CCDC7: variants seen among roughly 807,000 people sequenced by gnomAD.
CCDC7 encodes coiled-coil domain-containing protein 7.
A neutral mutation model predicts 196.9 loss-of-function variants in CCDC7; 183 were observed. The observed-to-expected ratio is 0.93, with a 90% CI of 0.82 to 1.05. The LOEUF (loss-of-function observed/expected upper bound fraction) is 1.05, where lower values mean the gene tolerates loss of function less well. Ranked by LOEUF, CCDC7 falls within the 50% of genes least tolerant of loss-of-function variation. The probability of loss-of-function intolerance (pLI) is 0.00; values close to 1 mark genes in which losing one functional copy is unlikely to be tolerated. For missense variants in CCDC7, 1,540 were observed against 1,482.2 expected (o/e 1.04, Z -0.64); for synonymous variants, 525 against 484.6 (o/e 1.08, Z -1.10).
chr10:32,721,524 T>G (rs368717656), intron 25 of CCDC7, among the ~76,000 whole-genome samples: 26 of 152,254 alleles, frequency 1.7e-4, no homozygotes, highest in African/African-American at 6.3e-4. Context: ...ACTGGTAACA[T>G]AATATATGGG....
chr10:32,857,579 C>CA (rs2093801382), intron 41 of CCDC7, among the ~76,000 whole-genome samples: 2 of 151,972 alleles, frequency 1.3e-5, no homozygotes, highest in Admixed American at 6.6e-5. Flanking sequence ...AATATATTGA[C>CA]AAATGACAAT....
intron 25 of CCDC7, among the ~76,000 whole-genome samples, chr10:32,716,806 A>G (rs571698302): frequency 6.6e-6 from 1 of 152,360 alleles, no homozygotes; most frequent in East Asian, 1.9e-4. Flanking sequence ...AACGAAGAGC[A>G]TTACATAATG....
intron 41 of CCDC7, among the ~76,000 whole-genome samples, chr10:32,869,210 C>A (rs1245273278): frequency 6.6e-6 from 1 of 152,174 alleles, no homozygotes; most frequent in African/African-American, 2.4e-5. Flanking sequence ...TCTTATTTCT[C>A]CACATCCTCT....
At chr10:32,521,509 A>G (rs186372078) in intron 11 of CCDC7, among the ~76,000 whole-genome samples, 1 of 151,368 alleles carries the variant, frequency 6.6e-6, no homozygotes, top group African/African-American at 2.4e-5. Flanking sequence ...CTGTTGGTAT[A>G]TAGAAATGTT....
Position 32,604,784 on chromosome 10 carries a change from A to C in CCDC7, c.1801+20480A>C, listed in dbSNP as rs373981039. Among the ~76,000 whole-genome samples, 15 of 152,132 alleles carry C rather than the reference A, an allele frequency of 9.9e-5. No individual in the cohort carries two copies. The East Asian group carries it at 1.9e-3, about 20-fold the overall frequency. ...TTTTATGTTGACTTTGTATGCCATA[A>C]ATTTATTGAATTCATTGAGCAGTTT... On this transcript the variant is annotated intron_variant, in intron 18 of 41. Coordinates refer to ENST00000639629, the Ensembl canonical transcript of CCDC7.
At chr10:32,573,064 G>C (rs886565261) in intron 16 of CCDC7, among the ~76,000 whole-genome samples, 1 of 151,864 alleles carries the variant, frequency 6.6e-6, no homozygotes, top group Non-Finnish European at 1.5e-5. Flanking sequence ...TTTTAGTAGA[G>C]ACGGGGTTTC....
intron 40 of CCDC7, among the ~76,000 whole-genome samples, chr10:32,852,581 C>T (rs1593457082): frequency 6.6e-6 from 1 of 152,186 alleles, no homozygotes; most frequent in Non-Finnish European, 1.5e-5. Flanking sequence ...CTTCTGGGTT[C>T]TCCTGCCTTA....
At chr10:32,655,025 G>A (rs2069522900) in intron 20 of CCDC7, among the ~76,000 whole-genome samples, 1 of 152,156 alleles carries the variant, frequency 6.6e-6, no homozygotes, top group Admixed American at 6.5e-5. Context: ...GACAAGGAAA[G>A]CTCTAAGTCA....
intron 18 of CCDC7, among the ~76,000 whole-genome samples, chr10:32,607,508 T>C (rs565514569): frequency 1.3e-5 from 2 of 152,202 alleles, no homozygotes; most frequent in Non-Finnish European, 2.9e-5. Flanking sequence ...GTTTCTTCTA[T>C]ACACAATGTA....
At chr10:32,820,488 A>G (rs1040172749) in intron 31 of CCDC7, among the ~76,000 whole-genome samples, 6 of 152,218 alleles carry the variant, frequency 3.9e-5, no homozygotes, top group Non-Finnish European at 8.8e-5. Context: ...ATGGAACCAA[A>G]AAAGAGCCCA....
intron 31 of CCDC7, among the ~76,000 whole-genome samples, chr10:32,820,593 G>C (rs1315405345): frequency 6.6e-6 from 1 of 152,158 alleles, no homozygotes; most frequent in Non-Finnish European, 1.5e-5. Flanking sequence ...AACCAAAAGA[G>C]CATGGTACTG....
chr10:32,631,672 C>A (rs200788512), intron 18 of CCDC7, among the ~76,000 whole-genome samples: 38 of 142,894 alleles, frequency 2.7e-4, no homozygotes, highest in African/African-American at 2.6e-4. Context: ...TCAATTTCTA[C>A]AAAAAAAAAA....
chr10:32,450,525 A>G (rs966793903), upstream of CCDC7, among the ~76,000 whole-genome samples: 5 of 152,188 alleles, frequency 3.3e-5, no homozygotes, highest in African/African-American at 4.8e-5. Context: ...ACATTACTCT[A>G]TCTTAATTTT....
intron 18 of CCDC7, among the ~76,000 whole-genome samples, chr10:32,593,531 G>T (rs1486183068): frequency 1.3e-5 from 2 of 152,288 alleles, no homozygotes; most frequent in African/African-American, 4.8e-5. Flanking sequence ...TTCTTTTGCT[G>T]TGGAGAAGCT....
chr10:32,596,426 G>A (rs2060364566), intron 18 of CCDC7, among the ~76,000 whole-genome samples: 1 of 151,908 alleles, frequency 6.6e-6, no homozygotes, highest in Non-Finnish European at 1.5e-5. Context: ...GCCTATGTGT[G>A]TCTCTGCACA....
At chr10:32,769,194 G>A (rs2078776303) in intron 28 of CCDC7, among the ~76,000 whole-genome samples, 1 of 151,912 alleles carries the variant, frequency 6.6e-6, no homozygotes, top group South Asian at 2.1e-4. Flanking sequence ...CTCCTTATTG[G>A]TCTGTTCAGG....
exon 41 of CCDC7, chr10:32,854,420 T>C: frequency 6.2e-7 from 1 of 1,606,648 alleles, no homozygotes; most frequent in Non-Finnish European, 8.5e-7. Flanking sequence ...AGTTGTTACC[T>C]TAAGCCAAAA....
rs1200214324 is a variant in CCDC7, at chr10:32,828,461, A to AGAAGAG, written c.3268+3881_3268+3886dup. ...AAGGAGAAGAAGAAGAAGAAGAAGA[A>AGAAGAG]GAAGAGGAAGAGGAAGAGGAAGAGG... On this transcript the variant is annotated intron_variant, in intron 32 of 41. Coordinates refer to ENST00000639629, the Ensembl canonical transcript of CCDC7. Among the ~76,000 whole-genome samples, 213 of 70,786 alleles carry AGAAGAG rather than the reference A, an allele frequency of 3.0e-3. 10 individuals are homozygous for AGAAGAG. The highest frequency in any genetic ancestry group is 0.015 in the Admixed American group (97 of 6,306). 46.4% of individuals were successfully genotyped at this position (70,786 alleles called of 152,430 possible).
chr10:32,492,130 TAAAG>T (rs1404599784), intron 9 of CCDC7, 133 bp downstream of exon 10: 7 of 884,710 alleles, frequency 7.9e-6, no homozygotes, highest in East Asian at 7.1e-5. Context: ...ATTGAAAACA[TAAAG>T]AAGAAAATAA....
Sources: allele counts gnomAD v4.1 joint callset (sites outside exome capture counted in the v4.1 genomes callset), GRCh38; gene constraint gnomAD v4.1.1; transcripts MANE v1.5; gene names NCBI Gene and HGNC (gene_info 2026-07-23, HGNC 2026-07-21).